AFF2: variants seen among roughly 807,000 people sequenced by gnomAD.
The protein encoded by AFF2 is ALF transcription elongation factor 2.
In AFF2, 14 loss-of-function variants were observed where a neutral mutation model predicts 76.9. The ratio of observed to expected loss-of-function variants is 0.18; its 90% confidence interval spans 0.12 to 0.28. The LOEUF (loss-of-function observed/expected upper bound fraction) is 0.28. AFF2 is among the 10% of genes least tolerant of loss of function. AFF2 has a pLI of 1.00. For missense variants in AFF2, 868 were observed against 1,001.1 expected (o/e 0.87, Z 1.79); for synonymous variants, 398 against 366.7 (o/e 1.09, Z -0.98).
chrX:148,840,402 G>A (rs189570385), intron 5 of AFF2, among the ~76,000 whole-genome samples: 3 of 112,011 alleles, frequency 2.7e-5, no homozygotes, highest in Admixed American at 1.9e-4. Context: ...CACTACAATG[G>A]CAGAGTCCAG....
At chrX:148,520,905 A>G (rs1557234389) in intron 1 of AFF2, among the ~76,000 whole-genome samples, 1 of 112,435 alleles carries the variant, frequency 8.9e-6, no homozygotes, top group African/African-American at 3.2e-5. Flanking sequence ...GTTTATGCTT[A>G]CAATTACAAA....
intron 1 of AFF2, among the ~76,000 whole-genome samples, chrX:148,645,602 G>A (rs1409352220): frequency 8.9e-6 from 1 of 112,315 alleles, no homozygotes; most frequent in Admixed American, 9.4e-5. Flanking sequence ...TTTGCAGCTT[G>A]AGTATTTGGT....
At chrX:148,655,009 A>G (rs2054237127) in intron 2 of AFF2, among the ~76,000 whole-genome samples, 1 of 111,465 alleles carries the variant, frequency 9.0e-6, no homozygotes, top group Admixed American at 9.5e-5. Context: ...GTCACGATGA[A>G]TTGATGGTCT....
At chrX:148,753,123 G>T (rs1310681057) in intron 3 of AFF2, among the ~76,000 whole-genome samples, 5 of 111,565 alleles carry the variant, frequency 4.5e-5, no homozygotes, top group Non-Finnish European at 9.4e-5. Flanking sequence ...CTGTTTGTCT[G>T]TGGGGGAGGA....
chrX:148,551,510 G>GA (rs1557238924), intron 1 of AFF2, among the ~76,000 whole-genome samples: 2 of 63,527 alleles, frequency 3.1e-5, no homozygotes, highest in African/African-American at 1.2e-4. Flanking sequence ...AAAAAAAAAA[G>GA]AAGAAAGAAA....
At chrX:148,689,890 G>C (rs2054634030) in intron 3 of AFF2, among the ~76,000 whole-genome samples, 1 of 112,054 alleles carries the variant, frequency 8.9e-6, no homozygotes, top group South Asian at 3.7e-4. Flanking sequence ...TTAGTTATTT[G>C]CTTATTCAGA....
chrX:148,691,008 C>A (rs1569553331), intron 3 of AFF2, among the ~76,000 whole-genome samples: 1 of 111,142 alleles, frequency 9.0e-6, no homozygotes, highest in Non-Finnish European at 1.9e-5. Context: ...ACCCATATTC[C>A]CTCATTTAAT....
chrX:148,543,970 C>G (rs1346138420), intron 1 of AFF2, among the ~76,000 whole-genome samples: 1 of 112,136 alleles, frequency 8.9e-6, no homozygotes, highest in Non-Finnish European at 1.9e-5. Context: ...TAAGCCTCAA[C>G]AGCTAATTAC....
rs1557287245 is a variant in AFF2 at position 148,956,009 on chromosome X, C to A, written c.1964C>A (p.Pro655His). Residue 655 changes from proline (P) to histidine (H), a missense_variant, in exon 11 of 21, where the codon CCC becomes CAC. This residue lies in a region of AFF2 where 532 missense variants were observed against 564.2 expected (regional missense o/e 0.94). Coordinates refer to ENST00000370460, the MANE Select transcript of AFF2 (RefSeq NM_002025.4). ...WPKPNITSST[P>H]KEKESVELHD... is the part of the protein sequence containing the mutation. ...AAACCAAATATTACCAGCAGCACTC[C>A]CAAAGAAAAAGAAAGTGTGGAGCTT... 1 of 1,210,936 alleles carries A rather than the reference C, an allele frequency of 8.3e-7. No individual in the cohort carries two copies. Among genetic ancestry groups the A allele is most frequent in the South Asian group, 1.8e-5 (1 of 56,865 alleles).
chrX:148,958,505 A>T (rs2072069844), intron 12 of AFF2, 47 bp downstream of exon 12: 4 of 1,172,784 alleles, frequency 3.4e-6, no homozygotes, highest in Non-Finnish European at 4.6e-6. Context: ...GATTGTTCAG[A>T]CTCCTAAGAA....
intron 1 of AFF2, among the ~76,000 whole-genome samples, chrX:148,514,215 G>A (rs2052512386): frequency 1.8e-5 from 2 of 111,668 alleles, no homozygotes; most frequent in African/African-American, 6.5e-5. Context: ...GTAATGAAAA[G>A]TTCAATGCAA....
chrX:148,684,514 G>A (rs1036138773), intron 3 of AFF2, among the ~76,000 whole-genome samples: 2 of 112,226 alleles, frequency 1.8e-5, no homozygotes, highest in Admixed American at 9.5e-5. Context: ...GATTGATAAA[G>A]GAAGTATCCA....
intron 3 of AFF2, among the ~76,000 whole-genome samples, chrX:148,681,607 AAAG>A (rs1569553106): frequency 9.7e-6 from 1 of 103,066 alleles, no homozygotes; most frequent in African/African-American, 3.8e-5. Flanking sequence ...TGAAGAAAGG[AAAG>A]AAGAAAGAAA....
intron 7 of AFF2, among the ~76,000 whole-genome samples, chrX:148,855,935 G>T (rs918429518): frequency 8.1e-5 from 9 of 111,650 alleles, no homozygotes; most frequent in African/African-American, 2.9e-4. Flanking sequence ...TGATTATTGC[G>T]GTCATGATCA....
At chrX:148,954,570 T>A (rs782423801) in intron 10 of AFF2, among the ~76,000 whole-genome samples, 1 of 112,314 alleles carries the variant, frequency 8.9e-6, no homozygotes, top group South Asian at 3.7e-4. Context: ...CATGACAACC[T>A]TACAGAGTAC....
At chrX:148,614,738 T>C (rs377707164) in intron 1 of AFF2, among the ~76,000 whole-genome samples, 2,728 of 54,893 alleles carry the variant, frequency 0.05, 93 homozygotes, top group Middle Eastern at 0.095. Context: ...TCTTTCCTTC[T>C]TTTCTTTCTT....
At chrX:148,980,589 G>A (rs2072379515) in intron 18 of AFF2, 149 bp from the exon 19 acceptor site, 6 of 355,897 alleles carry the variant, frequency 1.7e-5, no homozygotes, top group Non-Finnish European at 2.6e-5. Flanking sequence ...GCGTCGTGGT[G>A]TGCTGACGTG....
chrX:148,946,564 C>T (rs1225442766), intron 9 of AFF2, among the ~76,000 whole-genome samples: 3 of 112,853 alleles, frequency 2.7e-5, no homozygotes, highest in African/African-American at 9.7e-5. Flanking sequence ...ATCAAGGTGG[C>T]AGCATGGCTG....
rs899207962 is a variant in AFF2, at chrX:148,627,199, G to C, written c.48-24800G>C. On this transcript the variant is annotated intron_variant, in intron 1 of 20. Transcript: ENST00000370460. ...CCATTGCACTCCAACCTGGGTGACA[G>C]AGCAAGATTCCATTTCTGAAAACAA... is the stretch of plus-strand genomic sequence containing the variant. Among the ~76,000 whole-genome samples the C allele has an allele frequency of 2.7e-5, 3 of 112,621 alleles. No homozygotes were observed. The East Asian group carries it at 8.4e-4, about 32-fold the overall frequency.
Sources: gnomAD v4.1 joint callset for allele counts (sites outside exome capture counted in the v4.1 genomes callset) on GRCh38, gnomAD v4.1.1 for gene constraint, gnomAD v4.1.1 regional missense constraint, MANE v1.5 for transcripts, NCBI Gene and HGNC (gene_info 2026-07-23, HGNC 2026-07-21) for gene names.